VWA5B2: variants seen among roughly 807,000 people sequenced by gnomAD.
VWA5B2 encodes von Willebrand factor A domain containing 5B2.
In VWA5B2, 93 loss-of-function variants were observed where a neutral mutation model predicts 118.5. The ratio of observed to expected loss-of-function variants is 0.79; its 90% CI spans 0.66 to 0.93. VWA5B2 has a LOEUF of 0.93. Among genes scored for constraint, VWA5B2 ranks in the 40% least tolerant of loss-of-function variants. The pLI, the probability that VWA5B2 is intolerant of heterozygous loss-of-function variation, is 0.00. For missense variants in VWA5B2, 1,546 were observed against 1,672.8 expected (o/e 0.92, Z 1.32); for synonymous variants, 708 against 716.3 (o/e 0.99, Z 0.19).
intron 3 of VWA5B2, chr3:184,232,945 G>T: frequency 1.8e-6 from 1 of 561,084 alleles, no homozygotes; most frequent in Non-Finnish European, 3.1e-6. Flanking sequence ...CCATTAGCAA[G>T]GATGTCACTG....
rs772110232 is a variant in VWA5B2, at chr3:184,238,648, G to A, written c.1977G>A (p.Ser659=). The A allele has an allele frequency of 3.5e-5, 55 of 1,551,642 alleles. No individual in the cohort carries two copies. The highest frequency in any genetic ancestry group is 8.3e-5 in the South Asian group (7 of 84,074). ...TAIWRRIFQS[S]YIREQYVLTH... ...TATGGCGCCGCATCTTTCAGTCCTC[G>A]TACATTCGGGAGCAGTATGTGCTCA... The change falls in exon 14 of 20, where the codon TCG becomes TCA. Residue 659 remains serine, a synonymous_variant. Transcript: ENST00000691901. The surrounding 1 kb of genome is among the most constrained non-coding windows in gnomAD (Gnocchi z 5.0).
rs548328568 is a variant in VWA5B2, at chr3:184,233,598, G to C, written c.553G>C (p.Gly185Arg). The change falls in exon 5 of 20, where the codon GGC becomes CGC. Residue 185 changes from glycine (G) to arginine (R), a missense_variant. Transcript: ENST00000691901. This position sits in a 1 kb window ranked among gnomAD's most constrained non-coding sequence, Gnocchi z 5.2. The stretch of plus-strand genomic sequence containing the variant: ...CAGCCCCACCAGCTGCTTCGGGGTG[G>C]GCAGCCTTCAGGAGGAAGGGCTGGC... ...DDSPTSCFGV[G>R]SLQEEGLAWE... The C allele has an allele frequency of 7.1e-6, 11 of 1,550,892 alleles. No homozygotes were observed. In the South Asian group the frequency reaches 1.2e-4, roughly 17 times the overall value.
intron 6 of VWA5B2, 95 bp from the exon 7 acceptor site, chr3:184,234,536 G>T: frequency 6.6e-7 from 1 of 1,521,276 alleles, no homozygotes; most frequent in East Asian, 2.5e-5. Flanking sequence ...GGTGCAGGAA[G>T]GCTGGACCTG....
In VWA5B2 at chr3:184,233,243, G is replaced by A. The variant is rs1461936324; in HGVS notation, c.376G>A (p.Ala126Thr). 40 of 1,550,266 alleles carry A rather than the reference G, an allele frequency of 2.6e-5. No individual in the cohort carries two copies. The Admixed American group carries it at 5.3e-4, about 21-fold the overall frequency. The change falls in exon 4 of 20, where the codon GCG becomes ACG. Residue 126 changes from alanine (A) to threonine (T), a missense_variant. Around this residue, in one of 3 missense-constraint regions of VWA5B2, gnomAD observed 775 missense variants for 882.3 expected, o/e 0.88. Coordinates refer to ENST00000691901, the MANE Select transcript of VWA5B2 (RefSeq NM_001390846.1). The surrounding 1 kb of genome is among the most constrained non-coding windows in gnomAD (Gnocchi z 5.2). ...TLVLPTGIIA[A>T]AGTMTVTLHS... is the part of the protein sequence containing the mutation. Reference sequence around the variant, plus strand: ...GGTGCTGCCCACAGGCATTATCGCCGCGGCTGGCACCATGACGGTGACCCT... The same window carrying A: ...GGTGCTGCCCACAGGCATTATCGCCACGGCTGGCACCATGACGGTGACCCT...
At chr3:184,230,236 G>C (rs144023013) in intron 1 of VWA5B2, among the ~76,000 whole-genome samples, 144 bp from the exon 2 acceptor site, 2,971 of 152,264 alleles carry the variant, frequency 0.02, 58 homozygotes, top group Middle Eastern at 0.075. Context: ...ACCCCCGGGG[G>C]AGCCGCGGCG....
At chr3:184,240,095 A>G in intron 16 of VWA5B2, 59 bp downstream of exon 16, 1 of 1,350,644 alleles carries the variant, frequency 7.4e-7, no homozygotes, top group Non-Finnish European at 9.9e-7. Flanking sequence ...CAGCAAAGGT[A>G]GAGGTCTGTG....
rs1034915577 is a variant in VWA5B2 at position 184,238,512 on chromosome 3, T to C, written c.1891+38T>C. On this transcript the variant is annotated intron_variant, in intron 13 of 19. Coordinates refer to ENST00000691901, the MANE Select transcript of VWA5B2 (RefSeq NM_001390846.1). This position sits in a 1 kb window ranked among gnomAD's most constrained non-coding sequence, Gnocchi z 5.0. ...GTGTATGTGTGTGGCTGTATTGGAG[T>C]GGGCGCTGGGAGGGGTCAGGGCTAG... The C allele has an allele frequency of 3.9e-6, 6 of 1,534,122 alleles. No homozygotes were observed. In the African/African-American group the frequency reaches 8.3e-5, roughly 21 times the overall value.
In VWA5B2 at chr3:184,241,844, C is replaced by G; in HGVS notation, c.3535C>G (p.Arg1179Gly). 2 of 1,536,768 alleles carry G rather than the reference C, an allele frequency of 1.3e-6. No individual in the cohort carries two copies. The highest frequency in any genetic ancestry group is 1.4e-5 in the African/African-American group (1 of 73,104). The change falls in exon 20 of 20, where the codon CGA (arginine) becomes GGA (glycine). Residue 1179 changes from arginine (R) to glycine (G), a missense_variant. By Grantham distance (125) the Arg-to-Gly change is moderately radical. Transcript: ENST00000691901. This position sits in a 1 kb window ranked among gnomAD's most constrained non-coding sequence, Gnocchi z 5.1. ...CGTAGCACTCGCCTGGCTGGAGCAC[C>G]GATGCGCCGCTGCCTTCGACGAGTG... ...TAVALAWLEH[R>G]CAAAFDEWEL...
chr3:184,238,730 C>G lies in VWA5B2; in HGVS notation c.2059C>G (p.Pro687Ala). The stretch of plus-strand genomic sequence containing the variant: ...AGGCTCCACAGGCAGCAGTGAGTCC[C>G]CAGGCTCACAGGGCCCTGGCTCCCC... Reference protein sequence around the residue: ...GPGSTGSSESPGSQGPGSPEG... With the variant: ...GPGSTGSSESAGSQGPGSPEG... Residue 687 changes from proline to alanine, a missense_variant, in exon 14 of 20, where the codon CCA becomes GCA. This residue lies in a region of VWA5B2 where 763 missense variants were observed against 766.6 expected (regional missense o/e 1.00). Coordinates refer to ENST00000691901, the MANE Select transcript of VWA5B2 (RefSeq NM_001390846.1). The surrounding 1 kb of genome is among the most constrained non-coding windows in gnomAD (Gnocchi z 5.0). 6.4e-7 allele frequency: 1 copy of G among 1,551,068 alleles called. No homozygotes were observed. Among genetic ancestry groups the G allele is most frequent in the African/African-American group, 1.4e-5 (1 of 73,168 alleles).
chr3:184,241,479 T>A lies in VWA5B2; in HGVS notation c.3181-11T>A. The A allele has an allele frequency of 6.4e-7, 1 of 1,551,170 alleles. No homozygotes were observed. The highest frequency in any genetic ancestry group is 1.2e-5 in the South Asian group (1 of 83,860). On this transcript the variant is annotated splice_polypyrimidine_tract_variant and intron_variant, in intron 19 of 19. Transcript: ENST00000691901. The surrounding 1 kb of genome is among the most constrained non-coding windows in gnomAD (Gnocchi z 5.1). ...TCAGCTCGCTTCTCCCCCCACCTCCTCTCTCCTCAGGTGCGGCTGCAGGAG... is the reference window on the plus strand; with the variant it reads ...TCAGCTCGCTTCTCCCCCCACCTCCACTCTCCTCAGGTGCGGCTGCAGGAG...
chr3:184,237,001 A>T lies in VWA5B2; in HGVS notation c.1534-225A>T, dbSNP rs1718071190. Among the ~76,000 whole-genome samples, 1 of 152,094 alleles carries T rather than the reference A, an allele frequency of 6.6e-6. No homozygotes were observed. The highest frequency in any genetic ancestry group is 1.5e-5 in the Non-Finnish European group (1 of 68,012). ...TCGTCCTCACAGTCTTGCCCCATCC[A>T]TGTGGCAAAGCTCAGGCCAGGAGAC... On this transcript the variant is annotated intron_variant, in intron 11 of 19. Transcript: ENST00000691901. The surrounding 1 kb of genome is among the most constrained non-coding windows in gnomAD (Gnocchi z 5.6).
chr3:184,239,315 A>G lies in VWA5B2; in HGVS notation c.2203-79A>G, dbSNP rs1378142885. 1 of 1,397,174 alleles carries G rather than the reference A, an allele frequency of 7.2e-7. No individual in the cohort carries two copies. Among genetic ancestry groups the G allele is most frequent in the Non-Finnish European group, 9.4e-7 (1 of 1,069,074 alleles). 86.5% of individuals were successfully genotyped at this position (1,397,174 alleles called of 1,614,324 possible). A position where few individuals can be genotyped will look rare whatever the true frequency, so the allele number is the denominator to read the frequency against. ...CCACCCAGGGTTTCAGAAAAGGGGC[A>G]TGGGCCAGCTGTGCACCCATGTATG... is the stretch of plus-strand genomic sequence containing the variant. On this transcript the variant is annotated intron_variant, in intron 14 of 19. Coordinates refer to ENST00000691901, the MANE Select transcript of VWA5B2 (RefSeq NM_001390846.1). The surrounding 1 kb of genome is among the most constrained non-coding windows in gnomAD (Gnocchi z 5.1).
In VWA5B2 at chr3:184,239,361, C is replaced by G; in HGVS notation, c.2203-33C>G. ...GTATGATGGTCAAGGGTTCTGCATT[C>G]CTTGACCAGTGGCCCCCATATCTCA... is the stretch of plus-strand genomic sequence containing the variant. On this transcript the variant is annotated intron_variant, in intron 14 of 19. Transcript: ENST00000691901. The surrounding 1 kb of genome is among the most constrained non-coding windows in gnomAD (Gnocchi z 5.1). The G allele has an allele frequency of 1.3e-6, 2 of 1,502,750 alleles. No individual in the cohort carries two copies. Among genetic ancestry groups the G allele is most frequent in the Non-Finnish European group, 1.8e-6 (2 of 1,118,320 alleles). 93.1% of individuals were successfully genotyped at this position (1,502,750 alleles called of 1,614,324 possible). A position where few individuals can be genotyped will look rare whatever the true frequency, so the allele number is the denominator to read the frequency against.
chr3:184,230,932 C>A lies in VWA5B2; in HGVS notation c.310+15C>A. 1 of 1,211,798 alleles carries A rather than the reference C, an allele frequency of 8.3e-7. No individual in the cohort carries two copies. Among genetic ancestry groups the A allele is most frequent in the Non-Finnish European group, 1.0e-6 (1 of 975,298 alleles). 75.1% of individuals were successfully genotyped at this position (1,211,798 alleles called of 1,614,324 possible). On this transcript the variant is annotated intron_variant, in intron 3 of 19. Coordinates refer to ENST00000691901, the MANE Select transcript of VWA5B2 (RefSeq NM_001390846.1). Reference sequence around the variant, plus strand: ...CTGCGCGCAGGGTGAGTTCCGCGCGCCCGCACCCGCGCTCCTGAAAGCCGG... The same window carrying A: ...CTGCGCGCAGGGTGAGTTCCGCGCGACCGCACCCGCGCTCCTGAAAGCCGG...
chr3:184,235,846 TC>T (rs1717918826), intron 8 of VWA5B2, among the ~76,000 whole-genome samples: 1 of 143,290 alleles, frequency 7.0e-6, no homozygotes, highest in African/African-American at 2.7e-5. Flanking sequence ...ACCTCCAGAG[TC>T]CCACACACAG....
chr3:184,237,107 G>A lies in VWA5B2; in HGVS notation c.1534-119G>A. 8.7e-7 allele frequency: 1 copy of A among 1,146,420 alleles called. No homozygotes were observed. Among genetic ancestry groups the A allele is most frequent in the Non-Finnish European group, 1.2e-6 (1 of 814,860 alleles). 71.0% of individuals were successfully genotyped at this position (1,146,420 alleles called of 1,614,324 possible). ...CTTCTCCTGACCCCAGCCTGGCCCT[G>A]TGCCCCATCAGCTTAGGGGCTGGGC... On this transcript the variant is annotated intron_variant, in intron 11 of 19. Coordinates refer to ENST00000691901, the MANE Select transcript of VWA5B2 (RefSeq NM_001390846.1). The surrounding 1 kb of genome is among the most constrained non-coding windows in gnomAD (Gnocchi z 5.6).
Position 184,237,234 on chromosome 3 carries a change from G to C in VWA5B2, c.1542G>C (p.Gln514His). ...PGQRLQPMLV[Q>H]ALRKALEPAL... ...GTGGCCACTCCCCACAGCTGGTACAGGCTCTGCGGAAGGCACTGGAGCCTG... is the reference window on the plus strand; with the variant it reads ...GTGGCCACTCCCCACAGCTGGTACACGCTCTGCGGAAGGCACTGGAGCCTG... The change falls in exon 12 of 20, where the codon CAG (glutamine) becomes CAC (histidine). Residue 514 changes from glutamine to histidine, a missense_variant. Around this residue, in one of 3 missense-constraint regions of VWA5B2, gnomAD observed 775 missense variants for 882.3 expected, o/e 0.88. Transcript: ENST00000691901. This position sits in a 1 kb window ranked among gnomAD's most constrained non-coding sequence, Gnocchi z 5.6. 6.4e-7 allele frequency: 1 copy of C among 1,551,328 alleles called. No homozygotes were observed. The highest frequency in any genetic ancestry group is 2.0e-5 in the Admixed American group (1 of 50,994).
At position 184,239,922 on chromosome 3, in the gene VWA5B2, C is replaced by T. The variant is rs1718390595; in HGVS notation, c.2626C>T (p.Pro876Ser). The T allele has an allele frequency of 6.4e-7, 1 of 1,551,506 alleles. No homozygotes were observed. The highest frequency in any genetic ancestry group is 8.7e-7 in the Non-Finnish European group (1 of 1,146,982). Residue 876 changes from proline (P) to serine (S), a missense_variant, in exon 16 of 20, where the codon CCT becomes TCT. Coordinates refer to ENST00000691901, the MANE Select transcript of VWA5B2 (RefSeq NM_001390846.1). This position sits in a 1 kb window ranked among gnomAD's most constrained non-coding sequence, Gnocchi z 5.1. ...AGATGGCTCACAGCCTCCCTCACCTCCTGTAAGAGAAGCTGCTTGGGACCA... is the reference window on the plus strand; with the variant it reads ...AGATGGCTCACAGCCTCCCTCACCTTCTGTAAGAGAAGCTGCTTGGGACCA... ...PGDGSQPPSP[P>S]VREAAWDQAL...
rs753487083 is a variant in VWA5B2, at chr3:184,241,211, G to A, written c.2987G>A (p.Gly996Asp). Reference sequence around the variant, plus strand: ...GGACTTCAGAGAGGCTCTCCAGCAGGCGCCTGGGACTCGGACCAAAATGGC... The same window carrying A: ...GGACTTCAGAGAGGCTCTCCAGCAGACGCCTGGGACTCGGACCAAAATGGC... ...SKGLQRGSPA[G>D]AWDSDQNGNS... The change falls in exon 19 of 20, where the codon GGC becomes GAC. Residue 996 changes from glycine to aspartate, a missense_variant. Physicochemically the swap from Gly to Asp is moderately conservative, Grantham distance 94. Coordinates refer to ENST00000691901, the MANE Select transcript of VWA5B2 (RefSeq NM_001390846.1). The surrounding 1 kb of genome is among the most constrained non-coding windows in gnomAD (Gnocchi z 5.1). The A allele has an allele frequency of 2.6e-5, 40 of 1,550,548 alleles. No individual in the cohort carries two copies. Among genetic ancestry groups the A allele is most frequent in the Non-Finnish European group, 3.3e-5 (38 of 1,146,434 alleles).
Sources: allele counts gnomAD v4.1 joint callset (sites outside exome capture counted in the v4.1 genomes callset), GRCh38; gene constraint gnomAD v4.1.1; regional missense constraint gnomAD v4.1.1; non-coding constraint Gnocchi (gnomAD v3.1); transcripts MANE v1.5; gene names NCBI Gene and HGNC (gene_info 2026-07-23, HGNC 2026-07-21).